Variants in RPSA2 observed in about 807,000 individuals in gnomAD.
RPSA2 encodes small ribosomal subunit protein uS2B.
At chr19:23,862,437 G>A in the RPSA2 span, among the ~76,000 whole-genome samples, 1 of 151,244 alleles carries the variant, frequency 6.6e-6, no homozygotes, top group Admixed American at 6.6e-5. Context: ...GGTGAGAGAG[G>A]GCATCCCTGT....
the RPSA2 span, chr19:23,758,601 G>A: frequency 4.1e-6 from 5 of 1,212,784 alleles, no homozygotes; most frequent in South Asian, 4.8e-5. Context: ...GGCTGTCAGC[G>A]CAGCCGCCAT....
chr19:23,856,321 G>A, the RPSA2 span, among the ~76,000 whole-genome samples: 3 of 152,034 alleles, frequency 2.0e-5, no homozygotes, highest in African/African-American at 7.2e-5. Flanking sequence ...CACATCTAAC[G>A]TTCCCTTTTC....
the RPSA2 span, among the ~76,000 whole-genome samples, chr19:23,760,664 TATA>T: frequency 6.4e-3 from 523 of 82,008 alleles, 3 homozygotes; most frequent in East Asian, 0.012. Context: ...TATATATATA[TATA>T]TATTTTTTTT....
the RPSA2 span, among the ~76,000 whole-genome samples, chr19:23,780,484 A>G: frequency 2.6e-5 from 4 of 152,078 alleles, no homozygotes; most frequent in Admixed American, 2.0e-4. Context: ...TGTACTAAAA[A>G]TACAAAAAAT....
At chr19:23,794,748 G>C in the RPSA2 span, among the ~76,000 whole-genome samples, 1 of 152,118 alleles carries the variant, frequency 6.6e-6, no homozygotes, top group Admixed American at 6.5e-5. Context: ...TCTTCATCAT[G>C]AAATCTCTGC....
chr19:23,818,977 T>TGG, the RPSA2 span: 1 of 152,072 alleles, frequency 6.6e-6, no homozygotes, highest in Non-Finnish European at 1.5e-5. Flanking sequence ...GTCAGTGCAG[T>TGG]GGGGGCATCC....
At chr19:23,792,395 G>C in the RPSA2 span, among the ~76,000 whole-genome samples, 1 of 152,166 alleles carries the variant, frequency 6.6e-6, no homozygotes, top group Non-Finnish European at 1.5e-5. Context: ...GCCTTGGAAT[G>C]CTGGGGATCC....
chr19:23,831,717 G>A, the RPSA2 span: 1 of 258,198 alleles, frequency 3.9e-6, no homozygotes, highest in Non-Finnish European at 8.4e-6. Flanking sequence ...TTGAGAAATG[G>A]CTGTAAAAGT....
At chr19:23,841,415 G>T in the RPSA2 span, among the ~76,000 whole-genome samples, 1 of 152,126 alleles carries the variant, frequency 6.6e-6, no homozygotes, top group African/African-American at 2.4e-5. Flanking sequence ...AGTGAGCCAA[G>T]ATCACGCCAC....
the RPSA2 span, chr19:23,833,381 CT>C: frequency 8.4e-5 from 17 of 202,240 alleles, no homozygotes; most frequent in Non-Finnish European, 1.3e-4. Flanking sequence ...TGGAGAGAAA[CT>C]TTGCAAACCT....
chr19:23,809,243 T>C, the RPSA2 span: 1 of 152,310 alleles, frequency 6.6e-6, no homozygotes, highest in East Asian at 1.9e-4. Context: ...TTTCTGCACA[T>C]TTCATCCTGT....
At chr19:23,857,485 CTTT>C in the RPSA2 span, among the ~76,000 whole-genome samples, 3 of 95,258 alleles carry the variant, frequency 3.1e-5, no homozygotes, top group Admixed American at 1.2e-4. Flanking sequence ...TTTTTAAAGT[CTTT>C]TTTTTTTTTT....
the RPSA2 span, among the ~76,000 whole-genome samples, chr19:23,800,032 T>C: frequency 1.0e-3 from 150 of 146,978 alleles, 1 homozygote; most frequent in African/African-American, 2.6e-3. Context: ...TTTTTCTTTT[T>C]TTTTTTTTTT....
At chr19:23,815,258 A>C in the RPSA2 span, among the ~76,000 whole-genome samples, 149 of 152,326 alleles carry the variant, frequency 9.8e-4, no homozygotes, top group African/African-American at 3.2e-3. Flanking sequence ...CTCATGTGTT[A>C]AACCTAGTTG....
the RPSA2 span, among the ~76,000 whole-genome samples, chr19:23,764,891 T>C: frequency 6.6e-6 from 1 of 152,196 alleles, no homozygotes; most frequent in South Asian, 2.1e-4. Flanking sequence ...AGTTTTGCTT[T>C]GGAGAAATTA....
the RPSA2 span, among the ~76,000 whole-genome samples, chr19:23,820,149 TC>T: frequency 6.6e-6 from 1 of 152,190 alleles, no homozygotes; most frequent in African/African-American, 2.4e-5. Flanking sequence ...GGCCCCTATT[TC>T]CTGCATTCCC....
chr19:23,863,548 G>A, the RPSA2 span, among the ~76,000 whole-genome samples: 1 of 113,990 alleles, frequency 8.8e-6, no homozygotes. Context: ...TGGGAGACAA[G>A]AGTGAGATTC....
the RPSA2 span, among the ~76,000 whole-genome samples, chr19:23,847,332 C>T: frequency 6.6e-6 from 1 of 151,896 alleles, no homozygotes; most frequent in Non-Finnish European, 1.5e-5. Flanking sequence ...TGGGGAAACC[C>T]ACCCCCAATA....
At chr19:23,865,035 C>A in the RPSA2 span, among the ~76,000 whole-genome samples, 1 of 152,134 alleles carries the variant, frequency 6.6e-6, no homozygotes, top group Admixed American at 6.6e-5. Context: ...CTCCTTTGTT[C>A]AGTCCACCAG....
Sources: allele counts gnomAD v4.1 joint callset (sites outside exome capture counted in the v4.1 genomes callset), GRCh38; gene constraint gnomAD v4.1.1; transcripts MANE v1.5; gene names NCBI Gene and HGNC (gene_info 2026-07-23, HGNC 2026-07-21).